Variants in ADGRL2 observed in about 807,000 individuals in gnomAD.
ADGRL2 encodes adhesion G protein-coupled receptor L2, also known as calcium-independent alpha-latrotoxin receptor 2.
Under a neutral mutation model 157.4 loss-of-function variants are expected in ADGRL2, and 44 were observed. That is an observed-to-expected ratio of 0.28 (90% CI 0.22 to 0.36). ADGRL2 has a LOEUF of 0.36. Among genes scored for constraint, ADGRL2 ranks in the 10% least tolerant of loss-of-function variants. The probability of loss-of-function intolerance (pLI) is 1.00; values close to 1 mark genes in which losing one functional copy is unlikely to be tolerated. For missense variants in ADGRL2, 1,510 were observed against 1,768.9 expected (o/e 0.85, Z 2.63); for synonymous variants, 585 against 624.7 (o/e 0.94, Z 0.95).
chr1:81,977,813 A>G (rs1660592942), intron 17 of ADGRL2, among the ~76,000 whole-genome samples: 1 of 151,748 alleles, frequency 6.6e-6, no homozygotes, highest in Non-Finnish European at 1.5e-5. Context: ...GAGCAAGGAA[A>G]AAAAACCCTT....
intron 1 of ADGRL2, among the ~76,000 whole-genome samples, chr1:81,444,143 G>T (rs369605015): frequency 8.5e-5 from 13 of 152,300 alleles, no homozygotes; most frequent in African/African-American, 3.1e-4. Flanking sequence ...CCAATGGCAG[G>T]CATTTACTTT....
intron 3 of ADGRL2, among the ~76,000 whole-genome samples, chr1:81,932,923 A>G (rs1320955937): frequency 6.6e-6 from 1 of 152,180 alleles, no homozygotes; most frequent in Non-Finnish European, 1.5e-5. Context: ...GCTGGTCTCC[A>G]AATCCCGACC....
rs986937133 is a variant in ADGRL2 at position 81,418,798 on chromosome 1, CT to C, written c.-301-26236del. On this transcript the variant is annotated intron_variant, in intron 1 of 24. Coordinates refer to the ADGRL2 transcript ENST00000370721. ...TAAGATTCCAAATCAAACTTTCTAA[CT>C]TGCTGAGGTTGATACATTAATATCT... Among the ~76,000 whole-genome samples the C allele has an allele frequency of 3.7e-4, 56 of 152,226 alleles. 1 individual carries two copies. The highest frequency in any genetic ancestry group is 1.3e-3 in the African/African-American group (56 of 41,546).
In ADGRL2 at chr1:81,632,724, A is replaced by G. The variant is rs530530853; in HGVS notation, c.-143+51744A>G. On this transcript the variant is annotated intron_variant, in intron 3 of 24. Transcript: ENST00000370721. ...CAGTGAGCCGAGATCGTGCCACTGCACTCCAGCCTGGGCAACAGAGACTCC... is the reference window on the plus strand; with the variant it reads ...CAGTGAGCCGAGATCGTGCCACTGCGCTCCAGCCTGGGCAACAGAGACTCC... Among the ~76,000 whole-genome samples the G allele has an allele frequency of 4.6e-5, 7 of 150,628 alleles. No homozygotes were observed. In the East Asian group the frequency reaches 1.4e-3, roughly 30 times the overall value.
chr1:81,908,610 G>C (rs116900586), intron 3 of ADGRL2, among the ~76,000 whole-genome samples: 1 of 152,120 alleles, frequency 6.6e-6, no homozygotes, highest in Non-Finnish European at 1.5e-5. Flanking sequence ...GGCAAATAAA[G>C]TACAATTGCT....
chr1:81,625,007 T>C (rs544063796), intron 3 of ADGRL2, among the ~76,000 whole-genome samples: 28 of 152,344 alleles, frequency 1.8e-4, no homozygotes, highest in South Asian at 1.2e-3. Context: ...AGGAATACCT[T>C]GTGCTGTGTC....
intron 1 of ADGRL2, chr1:81,427,387 A>G (rs2077237792): frequency 2.7e-6 from 2 of 740,204 alleles, no homozygotes; most frequent in Non-Finnish European, 4.9e-6. Context: ...AAGGTGGTAG[A>G]TATGGTGGTG....
At chr1:81,334,828 G>T (rs1057324620) in intron 1 of ADGRL2, among the ~76,000 whole-genome samples, 2 of 152,082 alleles carry the variant, frequency 1.3e-5, no homozygotes, top group African/African-American at 4.8e-5. Flanking sequence ...TGCCAGTCAG[G>T]GACACTAAGA....
At chr1:81,826,976 T>A (rs2091541962) in intron 1 of ADGRL2, among the ~76,000 whole-genome samples, 1 of 152,216 alleles carries the variant, frequency 6.6e-6, no homozygotes, top group Non-Finnish European at 1.5e-5. Context: ...CTTTTACGAA[T>A]GATATGTTAT....
chr1:81,322,113 C>CATATAT (rs1345847160), intron 1 of ADGRL2, among the ~76,000 whole-genome samples: 7,687 of 106,744 alleles, frequency 0.072, 389 homozygotes, highest in Non-Finnish European at 0.093. Context: ...TATATATACA[C>CATATAT]ATATATATAT....
At position 81,860,304 on chromosome 1, in the gene ADGRL2, T is replaced by G. The variant is rs563084267; in HGVS notation, c.73+23247T>G. 7.2e-5 allele frequency among the ~76,000 whole-genome samples: 11 copies of G among 152,272 alleles called. No individual in the cohort carries two copies. In the East Asian group the frequency reaches 2.1e-3, roughly 29 times the overall value. ...CTAAATAACAGGTAATTCCTTTGAA[T>G]TATTTTTTAAAAAGACCTTTTATTT... On this transcript the variant is annotated intron_variant, in intron 2 of 23. Transcript: ENST00000686636.
intron 4 of ADGRL2, among the ~76,000 whole-genome samples, chr1:81,941,074 A>T (rs1334799361): frequency 6.6e-6 from 1 of 151,196 alleles, no homozygotes; most frequent in Non-Finnish European, 1.5e-5. Context: ...CTTGCTTTCT[A>T]TGTAAATTGA....
chr1:81,475,321 TC>T (rs941485863), intron 2 of ADGRL2, among the ~76,000 whole-genome samples: 11 of 152,168 alleles, frequency 7.2e-5, no homozygotes, highest in African/African-American at 2.7e-4. Flanking sequence ...AATCAGCTAC[TC>T]CCCTGAGTAC....
Position 81,968,289 on chromosome 1 carries a change from C to T in ADGRL2, c.2523+90C>T, listed in dbSNP as rs192141556. On this transcript the variant is annotated intron_variant, in intron 14 of 23. Transcript: ENST00000686636. ...ATAGTCCCATTCTTTGGGTGCTTAC[C>T]GTAACTAAAAAGCAAACAAAGTAAT... is the stretch of plus-strand genomic sequence containing the variant. 12 of 1,114,622 alleles carry T rather than the reference C, an allele frequency of 1.1e-5. No individual in the cohort carries two copies. In the African/African-American group the frequency reaches 1.3e-4, roughly 12 times the overall value. 69.0% of individuals were successfully genotyped at this position (1,114,622 alleles called of 1,614,324 possible). A position where few individuals can be genotyped will look rare whatever the true frequency, so the allele number is the denominator to read the frequency against.
rs367802498 is a variant in ADGRL2, at chr1:81,756,274, A to C, written c.-142-5537A>C. On this transcript the variant is annotated intron_variant, in intron 1 of 20. Coordinates refer to the ADGRL2 transcript ENST00000359929. ...TTTCAAAGTACACTAACCTTCTTGA[A>C]TATTTCTTGCACTTAGGACAACACC... 6.0e-4 allele frequency among the ~76,000 whole-genome samples: 91 copies of C among 152,228 alleles called. No homozygotes were observed. In the South Asian group the frequency reaches 0.012, roughly 21 times the overall value.
chr1:81,952,649 CT>C (rs1426063746), intron 9 of ADGRL2, among the ~76,000 whole-genome samples: 2 of 152,092 alleles, frequency 1.3e-5, no homozygotes, highest in Admixed American at 6.6e-5. Flanking sequence ...TGGATTGCTA[CT>C]TTTCATCACA....
rs560779084 is a variant in ADGRL2 at position 81,593,512 on chromosome 1, G to A, written c.-143+12532G>A. 5.3e-5 allele frequency among the ~76,000 whole-genome samples: 8 copies of A among 152,304 alleles called. 1 individual carries two copies. The South Asian group carries it at 1.5e-3, about 28-fold the overall frequency. On this transcript the variant is annotated intron_variant, in intron 3 of 24. Coordinates refer to the ADGRL2 transcript ENST00000370721. ...GTATTTAGTGCATAGTGTACACTGA[G>A]TGTTGGCTTGATTATTGCTGATGTT...
Position 81,907,017 on chromosome 1 carries a change from G to T in ADGRL2, c.74G>T (p.Gly25Val), listed in dbSNP as rs768961675. 2.5e-6 allele frequency: 4 copies of T among 1,611,176 alleles called. No individual in the cohort carries two copies. Among genetic ancestry groups the T allele is most frequent in the Non-Finnish European group, 3.4e-6 (4 of 1,177,738 alleles). Residue 25 changes from glycine (G) to valine (V), a missense_variant and splice_region_variant, in exon 3 of 24, where the codon GGT becomes GTT. By Grantham distance (109) the Gly-to-Val change is moderately radical. Around this residue, in one of 4 missense-constraint regions of ADGRL2, gnomAD observed 361 missense variants for 498.4 expected, o/e 0.72. Coordinates refer to ENST00000686636, the MANE Select transcript of ADGRL2 (RefSeq NM_001366006.2). ...IVISFLPNTE[G>V]FSRAALPFGL... Reference sequence around the variant, plus strand: ...AATTTTCTTTCTTTTTTATTTTAAGGTTTCAGCAGAGCAGCTTTACCATTT... The same window carrying T: ...AATTTTCTTTCTTTTTTATTTTAAGTTTTCAGCAGAGCAGCTTTACCATTT...
At chr1:81,654,773 T>C (rs563781619) in intron 3 of ADGRL2, among the ~76,000 whole-genome samples, 4 of 152,182 alleles carry the variant, frequency 2.6e-5, no homozygotes, top group Admixed American at 1.3e-4. Flanking sequence ...ATCTATGAAG[T>C]AGATGGCTGA....
Sources: allele counts gnomAD v4.1 joint callset (sites outside exome capture counted in the v4.1 genomes callset), GRCh38; gene constraint gnomAD v4.1.1; regional missense constraint gnomAD v4.1.1; transcripts MANE v1.5; gene names NCBI Gene and HGNC (gene_info 2026-07-23, HGNC 2026-07-21).